LRRC7: variants seen among roughly 807,000 people sequenced by gnomAD.
LRRC7 encodes the protein leucine rich repeat containing 7, also known as leucine-rich repeat-containing protein 7.
A neutral mutation model predicts 175.7 loss-of-function variants in LRRC7; 23 were observed. The observed-to-expected ratio is 0.13, with a 90% CI of 0.09 to 0.19. LRRC7 has a LOEUF of 0.19. Ranked by LOEUF, LRRC7 falls within the 10% of genes least tolerant of loss-of-function variation. LRRC7 has a pLI of 1.00. For synonymous variants in LRRC7, 685 were observed against 680.9 expected (o/e 1.01, Z -0.09); for missense variants, 1,354 against 1,904.7 (o/e 0.71, Z 5.38).
At chr1:69,646,307 G>T (rs1655003056) in intron 1 of LRRC7, among the ~76,000 whole-genome samples, 2 of 151,940 alleles carry the variant, frequency 1.3e-5, no homozygotes. Context: ...TCTTTGCATA[G>T]ATTTCTACTT....
rs979072720 is a variant in LRRC7, at chr1:70,073,715, G to A, written c.4231-2362G>A. Reference sequence around the variant, plus strand: ...AATTAAACTGCCAGTTGTCACTTCCGCTGGTTCAAGCACTGGCTGAAGACC... The same window carrying A: ...AATTAAACTGCCAGTTGTCACTTCCACTGGTTCAAGCACTGGCTGAAGACC... On this transcript the variant is annotated intron_variant, in intron 23 of 26. Transcript: ENST00000651989. Among the ~76,000 whole-genome samples the A allele has an allele frequency of 5.3e-5, 8 of 152,226 alleles. No individual in the cohort carries two copies. The East Asian group carries it at 1.2e-3, about 22-fold the overall frequency.
intron 2 of LRRC7, among the ~76,000 whole-genome samples, chr1:69,700,518 T>C (rs1264724014): frequency 6.6e-6 from 1 of 152,200 alleles, no homozygotes; most frequent in Non-Finnish European, 1.5e-5. Context: ...TTAACCTTCA[T>C]GTCTCCTTCC....
intron 1 of LRRC7, among the ~76,000 whole-genome samples, chr1:69,589,087 A>C (rs10489548): frequency 0.068 from 9,470 of 138,282 alleles, 349 homozygotes; most frequent in Middle Eastern, 0.13. Flanking sequence ...GTTTCTGAGA[A>C]CTTTTTGTGT....
chr1:70,023,970 G>T (rs1657801843), intron 17 of LRRC7, among the ~76,000 whole-genome samples: 1 of 151,950 alleles, frequency 6.6e-6, no homozygotes, highest in Admixed American at 6.6e-5. Flanking sequence ...GTGGTTGGGT[G>T]TTTTAAGAGG....
chr1:69,876,484 T>G (rs1256469258), intron 7 of LRRC7, among the ~76,000 whole-genome samples: 1 of 151,972 alleles, frequency 6.6e-6, no homozygotes, highest in Non-Finnish European at 1.5e-5. Flanking sequence ...CATCTGGAGG[T>G]CTAGTAGAGT....
At chr1:69,771,686 G>A (rs1457190181) in intron 3 of LRRC7, among the ~76,000 whole-genome samples, 1 of 152,122 alleles carries the variant, frequency 6.6e-6, no homozygotes, top group African/African-American at 2.4e-5. Context: ...TGCAAGCATT[G>A]TTCTAGGTGC....
At chr1:69,948,100 T>A (rs994369170) in intron 8 of LRRC7, among the ~76,000 whole-genome samples, 2 of 152,110 alleles carry the variant, frequency 1.3e-5, no homozygotes, top group African/African-American at 4.8e-5. Context: ...AGCAGGACAG[T>A]GCGAGATTTC....
intron 23 of LRRC7, among the ~76,000 whole-genome samples, chr1:70,055,570 C>T (rs1169947654): frequency 6.6e-6 from 1 of 152,132 alleles, no homozygotes; most frequent in Non-Finnish European, 1.5e-5. Context: ...AATTGACTCA[C>T]AGTTCCTCAG....
chr1:69,776,866 A>G (rs991339909), intron 3 of LRRC7, among the ~76,000 whole-genome samples: 2 of 151,804 alleles, frequency 1.3e-5, no homozygotes, highest in Non-Finnish European at 2.9e-5. Context: ...TGGGTTTGAT[A>G]TTTATTGCTC....
intron 1 of LRRC7, among the ~76,000 whole-genome samples, chr1:69,661,330 G>A (rs996025908): frequency 1.1e-4 from 17 of 151,986 alleles, no homozygotes; most frequent in African/African-American, 3.9e-4. Context: ...TCTTTCCCTA[G>A]TAAAAGATAC....
rs568628430 is a variant in LRRC7 at position 69,770,929 on chromosome 1, G to C, written c.303+10536G>C. Among the ~76,000 whole-genome samples, 3 of 152,246 alleles carry C rather than the reference G, an allele frequency of 2.0e-5. No individual in the cohort carries two copies. In the South Asian group the frequency reaches 6.2e-4, roughly 32 times the overall value. ...AGTAGAAAACTTAGATTCACCTGAC[G>C]TAAGTCATGTATCCACTCTTCGATT... On this transcript the variant is annotated intron_variant, in intron 3 of 26. Transcript: ENST00000651989.
intron 1 of LRRC7, among the ~76,000 whole-genome samples, chr1:69,613,053 C>T (rs1203044070): frequency 6.6e-6 from 1 of 152,048 alleles, no homozygotes; most frequent in Non-Finnish European, 1.5e-5. Flanking sequence ...CCCCACCCAT[C>T]TTCACTTAAT....
At chr1:69,919,560 C>A in intron 7 of LRRC7, 1 of 794,760 alleles carries the variant, frequency 1.3e-6, no homozygotes, top group Non-Finnish European at 2.2e-6. Context: ...TCAAGGCGGC[C>A]CTCGACCTGG....
chr1:69,924,977 A>C (rs1158753328), intron 7 of LRRC7, among the ~76,000 whole-genome samples: 1 of 152,178 alleles, frequency 6.6e-6, no homozygotes, highest in African/African-American at 2.4e-5. Context: ...ACATCCCATC[A>C]ATACCTAATT....
chr1:70,004,705 A>G (rs886311354), intron 11 of LRRC7, among the ~76,000 whole-genome samples: 2 of 148,052 alleles, frequency 1.4e-5, no homozygotes, highest in African/African-American at 5.0e-5. Flanking sequence ...TGCCAAACAA[A>G]TCTCTCTCTC....
rs537939593 is a variant in LRRC7 at position 69,957,185 on chromosome 1, T to C, written c.712-23194T>C. Among the ~76,000 whole-genome samples the C allele has an allele frequency of 7.9e-5, 12 of 151,982 alleles. No homozygotes were observed. The South Asian group carries it at 2.5e-3, about 31-fold the overall frequency. On this transcript the variant is annotated intron_variant, in intron 8 of 26. Coordinates refer to ENST00000651989, the MANE Select transcript of LRRC7 (RefSeq NM_001370785.2). Reference sequence around the variant, plus strand: ...TGATGACTCAGTTTAGCATTTTATATCTACCACAAATGGAAGACAGGATAA... The same window carrying C: ...TGATGACTCAGTTTAGCATTTTATACCTACCACAAATGGAAGACAGGATAA...
intron 1 of LRRC7, among the ~76,000 whole-genome samples, chr1:69,585,164 AAGG>A (rs1463118575): frequency 6.6e-6 from 1 of 152,300 alleles, no homozygotes; most frequent in East Asian, 1.9e-4. Context: ...AATGGAATAA[AAGG>A]AGAAGAAATG....
intron 7 of LRRC7, among the ~76,000 whole-genome samples, chr1:69,889,853 G>A (rs1327002682): frequency 1.3e-5 from 2 of 152,006 alleles, no homozygotes; most frequent in Non-Finnish European, 2.9e-5. Flanking sequence ...AGGAGGAGGA[G>A]GAGGAGGAGG....
At chr1:69,568,774 C>T in intron 1 of LRRC7, 133 bp downstream of exon 1, 1 of 553,674 alleles carries the variant, frequency 1.8e-6, no homozygotes, top group South Asian at 3.0e-5. Flanking sequence ...CTTCGGCGCT[C>T]GCGGGGAGCT....
Sources: allele counts gnomAD v4.1 joint callset (sites outside exome capture counted in the v4.1 genomes callset), GRCh38; gene constraint gnomAD v4.1.1; transcripts MANE v1.5; gene names NCBI Gene and HGNC (gene_info 2026-07-23, HGNC 2026-07-21).